The following FADS6 variants were observed in gnomAD, a reference collection of about 807,000 sequenced individuals.
FADS6 encodes the protein fatty acid desaturase domain family, member 6.
In FADS6, 28 loss-of-function variants were observed where a neutral mutation model predicts 31.7. The ratio of observed to expected loss-of-function variants is 0.88; its 90% CI spans 0.66 to 1.21. The LOEUF (loss-of-function observed/expected upper bound fraction) is 1.21, where lower values mean the gene tolerates loss of function less well. Ranked by LOEUF, FADS6 falls within the 50% of genes most tolerant of loss-of-function variation. The pLI is 0.00. For missense variants in FADS6, 494 were observed against 504.2 expected, an observed-to-expected ratio of 0.98 and a Z score of 0.19; for synonymous variants, 191 against 213.1, an observed-to-expected ratio of 0.90 and a Z score of 0.90.
downstream of FADS6, among the ~76,000 whole-genome samples, chr17:74,875,701 T>C (rs2038503112): frequency 6.6e-6 from 1 of 152,238 alleles, no homozygotes. Context: ...AGCAGTTTGA[T>C]TAATTACACC....
chr17:74,882,827 C>G, intron 2 of FADS6, 117 bp from the exon 3 acceptor site: 1 of 1,531,012 alleles, frequency 6.5e-7, no homozygotes, highest in Non-Finnish European at 8.7e-7. Context: ...TGTCCAGGGC[C>G]GTCCTGCCTT....
chr17:74,887,107 C>CTGGAGTA (rs2038631969), intron 2 of FADS6, among the ~76,000 whole-genome samples: 1 of 142,502 alleles, frequency 7.0e-6, no homozygotes, highest in Non-Finnish European at 1.5e-5. Flanking sequence ...GTTGCCCAGG[C>CTGGAGTA]TGGAGTATGG....
intron 2 of FADS6, among the ~76,000 whole-genome samples, chr17:74,888,975 C>A (rs2038660648): frequency 1.3e-5 from 2 of 152,182 alleles, no homozygotes; most frequent in Admixed American, 6.6e-5. Flanking sequence ...CTGGGTAAGA[C>A]CAAGGTTATC....
intron 2 of FADS6, among the ~76,000 whole-genome samples, chr17:74,891,246 CA>C (rs2038685074): frequency 6.6e-6 from 1 of 151,342 alleles, no homozygotes; most frequent in Non-Finnish European, 1.5e-5. Context: ...CCACGTTGGT[CA>C]TGCTGGTCTC....
intron 3 of FADS6, 101 bp downstream of exon 3, chr17:74,882,429 G>C (rs1438157607): frequency 4.3e-5 from 57 of 1,327,790 alleles, no homozygotes; most frequent in Non-Finnish European, 5.4e-5. Flanking sequence ...TATCTATCGG[G>C]CCTTCCTCTA....
At chr17:74,888,964 G>A (rs999511977) in intron 2 of FADS6, among the ~76,000 whole-genome samples, 3 of 152,192 alleles carry the variant, frequency 2.0e-5, no homozygotes, top group Non-Finnish European at 4.4e-5. Context: ...AGGTACTCTC[G>A]CTGGGTAAGA....
chr17:74,882,893 G>A, intron 2 of FADS6, 183 bp from the exon 3 acceptor site: 3 of 1,451,802 alleles, frequency 2.1e-6, no homozygotes, highest in Non-Finnish European at 2.7e-6. Flanking sequence ...TGACCACGGA[G>A]TGGCAGCCAG....
At chr17:74,888,676 T>G (rs1266900496) in intron 2 of FADS6, among the ~76,000 whole-genome samples, 5 of 152,102 alleles carry the variant, frequency 3.3e-5, no homozygotes, top group African/African-American at 1.2e-4. Context: ...AAAGCCGACT[T>G]CACATGGAGG....
Position 74,879,548 on chromosome 17 carries a change from C to G in FADS6, c.816G>C (p.Lys272Asn), listed in dbSNP as rs1163358951. 6.2e-7 allele frequency: 1 copy of G among 1,613,234 alleles called. No individual in the cohort carries two copies. Among genetic ancestry groups the G allele is most frequent in the Non-Finnish European group, 8.5e-7 (1 of 1,179,822 alleles). Residue 272 changes from lysine to asparagine, a missense_variant, in exon 5 of 6, where the codon AAG becomes AAC. Lys to Asn is a moderately conservative substitution (Grantham distance 94). Coordinates refer to ENST00000612771, the MANE Select transcript of FADS6 (RefSeq NM_178128.6). ...IGLPMFSRDN[K>N]PRRIHMMSLG... is the part of the protein sequence containing the mutation. The stretch of plus-strand genomic sequence containing the variant: ...GGCTCATCATGTGAATCCGACGGGG[C>G]TTGTTGTCCCGGGAGAACATGGGCA...
In FADS6 at chr17:74,888,154, ACGCG is replaced by A. The variant is rs67402175; in HGVS notation, c.411+4365_411+4368del. Among the ~76,000 whole-genome samples the A allele has an allele frequency of 2.3e-3, 310 of 134,790 alleles. 3 individuals carry two copies. Among genetic ancestry groups the A allele is most frequent in the East Asian group, 0.019 (67 of 3,574 alleles). 88.4% of individuals were successfully genotyped at this position (134,790 alleles called of 152,430 possible). On this transcript the variant is annotated intron_variant, in intron 2 of 5. Coordinates refer to ENST00000612771, the MANE Select transcript of FADS6 (RefSeq NM_178128.6). Reference sequence around the variant, plus strand: ...CACACACACACACACACACACACACACGCGCGCGCGCGCGCGCGCAGAGTACCAA... The same window carrying A: ...CACACACACACACACACACACACACACGCGCGCGCGCGCGCAGAGTACCAA...
At position 74,882,642 on chromosome 17, in the gene FADS6, G is replaced by A. The variant is rs755683985; in HGVS notation, c.480C>T (p.Asn160=). The A allele has an allele frequency of 2.8e-5, 45 of 1,611,420 alleles. No homozygotes were observed. The highest frequency in any genetic ancestry group is 8.0e-5 in the African/African-American group (6 of 74,910). ...TGCTGGAGTCCCCCAGGCCCACCAC[G>A]TTGGTGTAGGCATGGTGCATCTTGA... The part of the protein sequence containing the change: ...GHVKMHHAYT[N]VVGLGDSSTW... The change falls in exon 3 of 6, where the codon AAC becomes AAT. Residue 160 remains asparagine, a synonymous_variant. Transcript: ENST00000612771.
At chr17:74,880,239 T>C (rs2038553520) in intron 4 of FADS6, among the ~76,000 whole-genome samples, 1 of 152,082 alleles carries the variant, frequency 6.6e-6, no homozygotes, top group Admixed American at 6.6e-5. Flanking sequence ...CCGTCTCCAG[T>C]TCCTCCATCT....
chr17:74,881,943 T>C (rs1450492315), intron 3 of FADS6, among the ~76,000 whole-genome samples: 1 of 150,962 alleles, frequency 6.6e-6, no homozygotes, highest in East Asian at 1.9e-4. Flanking sequence ...GCAAAGCATT[T>C]TTTTTTTTTT....
intron 2 of FADS6, among the ~76,000 whole-genome samples, chr17:74,890,522 C>T (rs960582794): frequency 2.0e-5 from 3 of 152,240 alleles, no homozygotes; most frequent in African/African-American, 4.8e-5. Flanking sequence ...CGACATGAAG[C>T]GGGAGCCAAG....
At chr17:74,892,398 A>T (rs904532652) in intron 2 of FADS6, 125 bp downstream of exon 2, 5 of 1,177,456 alleles carry the variant, frequency 4.2e-6, no homozygotes, top group Non-Finnish European at 5.9e-6. Flanking sequence ...CCGGCATACC[A>T]TCAGCTGCAG....
chr17:74,882,782 GCCCGGAGAACAC>G (rs1437877266), intron 2 of FADS6, 72 bp from the exon 3 acceptor site: 23 of 1,546,940 alleles, frequency 1.5e-5, no homozygotes, highest in Non-Finnish European at 2.0e-5. Context: ...ACCTTTGAGA[GCCCGGAGAACAC>G]CCCCACCTCC....
intron 2 of FADS6, among the ~76,000 whole-genome samples, chr17:74,886,289 A>T (rs2038622169): frequency 6.8e-6 from 1 of 146,046 alleles, no homozygotes; most frequent in East Asian, 2.0e-4. Context: ...ACATGGGGAA[A>T]CCCCTACTAA....
rs2038524561 is a variant in FADS6 at position 74,877,997 on chromosome 17, C to T, written c.*334G>A. Reference sequence around the variant, plus strand: ...GCCCCTGCACAGGATCCCTCTTCACCCTGTCACCTCCCTTTAACCCTACCA... The same window carrying T: ...GCCCCTGCACAGGATCCCTCTTCACTCTGTCACCTCCCTTTAACCCTACCA... On this transcript the variant is annotated 3_prime_UTR_variant, in exon 6 of 6. Coordinates refer to ENST00000612771, the MANE Select transcript of FADS6 (RefSeq NM_178128.6). 9.4e-7 allele frequency: 1 copy of T among 1,065,162 alleles called. No individual in the cohort carries two copies. The highest frequency in any genetic ancestry group is 1.1e-6 in the Non-Finnish European group (1 of 881,054). 66.0% of individuals were successfully genotyped at this position (1,065,162 alleles called of 1,614,324 possible).
chr17:74,890,038 G>A (rs1443220764), intron 2 of FADS6, among the ~76,000 whole-genome samples: 1 of 152,106 alleles, frequency 6.6e-6, no homozygotes, highest in Non-Finnish European at 1.5e-5. Flanking sequence ...CCACATGCTG[G>A]CCTCATGAGG....
Sources: gnomAD v4.1 joint callset for allele counts (sites outside exome capture counted in the v4.1 genomes callset) on GRCh38, gnomAD v4.1.1 for gene constraint, MANE v1.5 for transcripts, NCBI Gene and HGNC (gene_info 2026-07-23, HGNC 2026-07-21) for gene names.